Variants in ZNF423 observed in about 807,000 individuals in gnomAD.
ZNF423 encodes the protein zinc finger protein 423.
ZNF423 carries 12 observed loss-of-function variants against 95.8 expected under a neutral mutation model. The observed-to-expected ratio is 0.13, with a 90% CI of 0.08 to 0.20. The LOEUF is 0.20. Among genes scored for constraint, ZNF423 ranks in the 10% least tolerant of loss-of-function variants. The pLI, the probability that ZNF423 is intolerant of heterozygous loss-of-function variation, is 1.00. For synonymous variants in ZNF423, 749 were observed against 711.9 expected (o/e 1.05, Z -0.83); for missense variants, 1,316 against 1,737.1 (o/e 0.76, Z 4.31).
chr16:49,620,999 C>T (rs2151857679), intron 5 of ZNF423, among the ~76,000 whole-genome samples: 1 of 152,292 alleles, frequency 6.6e-6, no homozygotes, highest in South Asian at 2.1e-4. Flanking sequence ...CTGGGCCAAG[C>T]CCCCCATAAG....
At chr16:49,856,917 AGGCGGC>A (rs71138012), upstream of ZNF423, among the ~76,000 whole-genome samples, 174 of 144,994 alleles carry the variant, frequency 1.2e-3, 1 homozygote, top group Non-Finnish European at 2.1e-4. Flanking sequence ...GAGGACGAGC[AGGCGGC>A]GGCGGCGGCG....
At chr16:49,584,764 T>C (rs1321260802) in intron 5 of ZNF423, among the ~76,000 whole-genome samples, 1 of 152,220 alleles carries the variant, frequency 6.6e-6, no homozygotes, top group Non-Finnish European at 1.5e-5. Flanking sequence ...AGTGAGATTG[T>C]ATTAGGGCCC....
At chr16:49,725,013 C>T (rs1057478567) in intron 3 of ZNF423, among the ~76,000 whole-genome samples, 1 of 152,222 alleles carries the variant, frequency 6.6e-6, no homozygotes, top group Non-Finnish European at 1.5e-5. Flanking sequence ...CACAGGCAAG[C>T]TGTTCCGACC....
intron 1 of ZNF423, among the ~76,000 whole-genome samples, chr16:49,841,694 T>A (rs775475388): frequency 6.6e-6 from 1 of 152,228 alleles, no homozygotes; most frequent in Non-Finnish European, 1.5e-5. Flanking sequence ...TAGGCTGCCT[T>A]GTCTGGTCCA....
intron 2 of ZNF423, among the ~76,000 whole-genome samples, chr16:49,761,019 T>C (rs1171274462): frequency 1.3e-5 from 2 of 148,402 alleles, no homozygotes; most frequent in Non-Finnish European, 3.0e-5. Flanking sequence ...CATAAACACA[T>C]GCACACGTAC....
intron 5 of ZNF423, among the ~76,000 whole-genome samples, chr16:49,604,283 T>C (rs904030964): frequency 5.3e-5 from 8 of 152,020 alleles, no homozygotes; most frequent in Admixed American, 4.6e-4. Context: ...ACCATTGGGG[T>C]CACAGAGGGC....
Position 49,748,953 on chromosome 16 carries a change from C to A in ZNF423, c.101-17982G>T, listed in dbSNP as rs377403198. ...GAAAGAGGTCAACAGAGAAGTCCAG[C>A]GCATGGTAAAGACCAGCGTGACCAC... On this transcript the variant is annotated intron_variant, in intron 2 of 7. Transcript: ENST00000563137. Among the ~76,000 whole-genome samples, 435 of 152,282 alleles carry A rather than the reference C, an allele frequency of 2.9e-3. 22 individuals are homozygous for A. The South Asian group carries it at 0.085, about 30-fold the overall frequency.
At chr16:49,562,825 C>T (rs1395167521) in intron 5 of ZNF423, among the ~76,000 whole-genome samples, 4 of 152,068 alleles carry the variant, frequency 2.6e-5, no homozygotes, top group African/African-American at 9.7e-5. Context: ...TGTCGTCAGG[C>T]TGGAGTGCAG....
intron 3 of ZNF423, among the ~76,000 whole-genome samples, chr16:49,721,755 A>G (rs1217668187): frequency 6.6e-6 from 1 of 152,172 alleles, no homozygotes; most frequent in Non-Finnish European, 1.5e-5. Context: ...GGTAGGAAAG[A>G]AGCAAAAACC....
Position 49,635,779 on chromosome 16 carries a change from A to G in ZNF423, c.3397T>C (p.Cys1133Arg). The G allele has an allele frequency of 6.2e-7, 1 of 1,612,542 alleles. No individual in the cohort carries two copies. Among genetic ancestry groups the G allele is most frequent in the Non-Finnish European group, 8.5e-7 (1 of 1,179,774 alleles). ...RPCAGLRCPE[C>R]SVKFESAEDL... ...TCGGCACTCTCAAACTTGACACTGCACTCGGGGCAACGGAGGCCGGCACAG... is the reference window on the plus strand; with the variant it reads ...TCGGCACTCTCAAACTTGACACTGCGCTCGGGGCAACGGAGGCCGGCACAG... The change falls in exon 4 of 8, where the codon TGC (cysteine) becomes CGC (arginine). Residue 1133 changes from cysteine to arginine, a missense_variant. Cys to Arg is a radical substitution (Grantham distance 180, BLOSUM62 -3). Coordinates refer to ENST00000563137, the MANE Select transcript of ZNF423 (RefSeq NM_001379286.1). The surrounding 1 kb of genome is among the most constrained non-coding windows in gnomAD (Gnocchi z 4.8).
intron 7 of ZNF423, among the ~76,000 whole-genome samples, chr16:49,516,500 C>T (rs1250018420): frequency 2.0e-5 from 3 of 152,220 alleles, no homozygotes; most frequent in Non-Finnish European, 2.9e-5. Flanking sequence ...CCCTGCCTTA[C>T]AGGTAAGGAA....
chr16:49,633,220 T>C (rs1884551394), intron 4 of ZNF423, among the ~76,000 whole-genome samples: 1 of 152,258 alleles, frequency 6.6e-6, no homozygotes, highest in Non-Finnish European at 1.5e-5. Flanking sequence ...TGAAATATTG[T>C]AAGGATTAAA....
intron 1 of ZNF423, among the ~76,000 whole-genome samples, chr16:49,804,969 G>A (rs867017235): frequency 4.2e-5 from 6 of 141,534 alleles, no homozygotes; most frequent in South Asian, 2.2e-4. Context: ...GCCTGGTCTC[G>A]ACTCATTGCA....
chr16:49,696,769 C>T (rs141726350), intron 3 of ZNF423, among the ~76,000 whole-genome samples: 29 of 152,302 alleles, frequency 1.9e-4, no homozygotes, highest in African/African-American at 3.1e-4. Flanking sequence ...AAGCCCCCCC[C>T]ACCCAGGGTG....
chr16:49,578,464 T>C (rs971117426), intron 5 of ZNF423, among the ~76,000 whole-genome samples: 1 of 152,120 alleles, frequency 6.6e-6, no homozygotes, highest in Non-Finnish European at 1.5e-5. Flanking sequence ...CAGACACTCA[T>C]CCCTGTCTGA....
chr16:49,589,864 A>G (rs913396979), intron 5 of ZNF423, among the ~76,000 whole-genome samples: 4 of 151,818 alleles, frequency 2.6e-5, no homozygotes, highest in Non-Finnish European at 5.9e-5. Context: ...CCATAACGAG[A>G]GCTGAACAGA....
chr16:49,753,438 GAA>G (rs35833357), intron 2 of ZNF423, among the ~76,000 whole-genome samples: 80 of 130,918 alleles, frequency 6.1e-4, no homozygotes, highest in South Asian at 7.5e-4. Context: ...CCTGTCTACA[GAA>G]AAAAAAAAAA....
chr16:49,494,434 G>T (rs1161390366), intron 7 of ZNF423, among the ~76,000 whole-genome samples: 3 of 152,216 alleles, frequency 2.0e-5, no homozygotes, highest in African/African-American at 7.2e-5. Context: ...GCACCTGCTG[G>T]ATGCTCTGCT....
chr16:49,744,275 G>A (rs7204340), intron 2 of ZNF423, among the ~76,000 whole-genome samples: 3,310 of 152,370 alleles, frequency 0.022, 114 homozygotes, highest in African/African-American at 0.075. Flanking sequence ...AGCATGACAC[G>A]TCTGCCACAG....
Sources: allele counts gnomAD v4.1 joint callset (sites outside exome capture counted in the v4.1 genomes callset), GRCh38; gene constraint gnomAD v4.1.1; non-coding constraint Gnocchi (gnomAD v3.1); transcripts MANE v1.5; gene names NCBI Gene and HGNC (gene_info 2026-07-23, HGNC 2026-07-21).